The following ATP8B2 variants were observed in gnomAD, a reference collection of about 807,000 sequenced individuals.
ATP8B2 encodes the protein ATPase phospholipid transporting 8B2.
ATP8B2 carries 70 observed loss-of-function variants against 133.4 expected under a neutral mutation model. The ratio of observed to expected loss-of-function variants is 0.52; its 90% CI spans 0.43 to 0.64. The LOEUF is 0.64. Ranked by LOEUF, ATP8B2 falls within the 30% of genes least tolerant of loss-of-function variation. ATP8B2 has a pLI of 0.00. For synonymous variants in ATP8B2, 517 were observed against 589.5 expected (o/e 0.88, Z 1.78); for missense variants, 1,101 against 1,535.7 (o/e 0.72, Z 4.73).
In ATP8B2 at chr1:154,334,020, G is replaced by A. The variant is rs774155948; in HGVS notation, c.590-87G>A. On this transcript the variant is annotated intron_variant, in intron 9 of 27. Transcript: ENST00000368489. The surrounding 1 kb of genome is among the most constrained non-coding windows in gnomAD (Gnocchi z 4.6). Reference sequence around the variant, plus strand: ...GGGCCCTTGCCCTTGCATCCTCTTCGCTCAGCTCATTTTCTCTTTGTTTTA... The same window carrying A: ...GGGCCCTTGCCCTTGCATCCTCTTCACTCAGCTCATTTTCTCTTTGTTTTA... 5.3e-5 allele frequency: 80 copies of A among 1,507,408 alleles called. No homozygotes were observed. The highest frequency in any genetic ancestry group is 5.2e-4 in the Middle Eastern group (3 of 5,718). The allele number at this position is 1,507,408 out of a possible 1,614,324, so 93.4% of individuals were successfully genotyped here. A position where few individuals can be genotyped will look rare whatever the true frequency, so the allele number is the denominator to read the frequency against.
At chr1:154,329,960 A>G (rs975377888) in intron 2 of ATP8B2, among the ~76,000 whole-genome samples, 3 of 152,122 alleles carry the variant, frequency 2.0e-5, no homozygotes, top group African/African-American at 7.2e-5. Flanking sequence ...AATAAGGGAG[A>G]GAGCAGTACC....
intron 1 of ATP8B2, 120 bp downstream of exon 1, chr1:154,325,822 C>G (rs944088281): frequency 3.3e-5 from 5 of 152,828 alleles, no homozygotes; most frequent in African/African-American, 9.7e-5. Flanking sequence ...CTGGGGAGCA[C>G]CGGGGGCCAA....
intron 26 of ATP8B2, among the ~76,000 whole-genome samples, chr1:154,347,144 C>T (rs1686611333): frequency 1.3e-5 from 2 of 152,200 alleles, no homozygotes; most frequent in South Asian, 4.1e-4. Context: ...CTCACCTCGG[C>T]CTCCCAAAGT....
At position 154,328,877 on chromosome 1, in the gene ATP8B2, C is replaced by A; in HGVS notation, c.31+705C>A. The A allele has an allele frequency of 8.3e-7, 1 of 1,208,300 alleles. No individual in the cohort carries two copies. The highest frequency in any genetic ancestry group is 1.4e-5 in the South Asian group (1 of 70,390). The allele number at this position is 1,208,300 out of a possible 1,614,324, so 74.8% of individuals were successfully genotyped here. On this transcript the variant is annotated intron_variant, in intron 2 of 27. Coordinates refer to ENST00000368489, the MANE Select transcript of ATP8B2 (RefSeq NM_001370597.1). This position sits in a 1 kb window ranked among gnomAD's most constrained non-coding sequence, Gnocchi z 4.6. Reference sequence around the variant, plus strand: ...TGGGGCGCGCGCCCGACGGCTGGGGCTCCCCTCTGAGCGGCTGCGGCTCCT... The same window carrying A: ...TGGGGCGCGCGCCCGACGGCTGGGGATCCCCTCTGAGCGGCTGCGGCTCCT...
rs1215368272 is a variant in ATP8B2 at position 154,343,025 on chromosome 1, T to C, written c.1453+64T>C. ...TCTGCCCTTGGGCTCTGCTCTGCTCTGCAATGCGGCTGGGCTGGGGCTTCC... is the reference window on the plus strand; with the variant it reads ...TCTGCCCTTGGGCTCTGCTCTGCTCCGCAATGCGGCTGGGCTGGGGCTTCC... On this transcript the variant is annotated intron_variant, in intron 15 of 27. Coordinates refer to ENST00000368489, the MANE Select transcript of ATP8B2 (RefSeq NM_001370597.1). This position sits in a 1 kb window ranked among gnomAD's most constrained non-coding sequence, Gnocchi z 5.8. The C allele has an allele frequency of 1.2e-6, 2 of 1,600,098 alleles. No homozygotes were observed. The highest frequency in any genetic ancestry group is 1.7e-6 in the Non-Finnish European group (2 of 1,171,978).
chr1:154,330,247 G>A, intron 2 of ATP8B2, 149 bp from the exon 3 acceptor site: 1 of 640,966 alleles, frequency 1.6e-6, no homozygotes, highest in Non-Finnish European at 2.8e-6. Context: ...GGTGAGAGGT[G>A]GACTGGAGGG....
Position 154,343,799 on chromosome 1 carries a change from C to A in ATP8B2, c.1759-94C>A. ...CCCTAACTGTGGAATGTGGCACACA[C>A]CCAGTCTACAGTGCAGGATTATTCA... On this transcript the variant is annotated intron_variant, in intron 17 of 27. Coordinates refer to ENST00000368489, the MANE Select transcript of ATP8B2 (RefSeq NM_001370597.1). The surrounding 1 kb of genome is among the most constrained non-coding windows in gnomAD (Gnocchi z 5.8). 1 of 1,417,848 alleles carries A rather than the reference C, an allele frequency of 7.1e-7. No homozygotes were observed. The highest frequency in any genetic ancestry group is 9.6e-7 in the Non-Finnish European group (1 of 1,044,236). The allele number at this position is 1,417,848 out of a possible 1,614,324, so 87.8% of individuals were successfully genotyped here. A position where few individuals can be genotyped will look rare whatever the true frequency, so the allele number is the denominator to read the frequency against.
chr1:154,334,374 G>A lies in ATP8B2; in HGVS notation c.748+109G>A, dbSNP rs1686104310. ...TACCTAAGGTAAAAAACCTCCAGCT[G>A]TGTATACAGGCTTCTTATCTAGCCA... is the stretch of plus-strand genomic sequence containing the variant. On this transcript the variant is annotated intron_variant, in intron 10 of 27. Transcript: ENST00000368489. The surrounding 1 kb of genome is among the most constrained non-coding windows in gnomAD (Gnocchi z 4.6). 4.6e-6 allele frequency: 7 copies of A among 1,524,034 alleles called. No individual in the cohort carries two copies. The highest frequency in any genetic ancestry group is 3.6e-6 in the Non-Finnish European group (4 of 1,112,644). 94.4% of individuals were successfully genotyped at this position (1,524,034 alleles called of 1,614,324 possible). A position where few individuals can be genotyped will look rare whatever the true frequency, so the allele number is the denominator to read the frequency against.
In ATP8B2 at chr1:154,345,451, G is replaced by A; in HGVS notation, c.2600G>A (p.Arg867Gln). The A allele has an allele frequency of 1.9e-6, 3 of 1,614,208 alleles. No homozygotes were observed. Among genetic ancestry groups the A allele is most frequent in the Non-Finnish European group, 2.5e-6 (3 of 1,180,042 alleles). Residue 867 changes from arginine to glutamine, a missense_variant, in exon 23 of 28, where the codon CGA becomes CAA. Coordinates refer to ENST00000368489, the MANE Select transcript of ATP8B2 (RefSeq NM_001370597.1). The surrounding 1 kb of genome is among the most constrained non-coding windows in gnomAD (Gnocchi z 5.6). ...LLVHGRWSYL[R>Q]MCKFLCYFFY... ...GTGCATGGGCGCTGGTCCTACCTGC[G>A]AATGTGCAAGTTTCTTTGCTATTTC...
At chr1:154,335,593 G>T (rs1010930400) in intron 11 of ATP8B2, among the ~76,000 whole-genome samples, 2 of 152,114 alleles carry the variant, frequency 1.3e-5, no homozygotes, top group Non-Finnish European at 2.9e-5. Context: ...TCTGGAGGCT[G>T]AGGCGGGGGG....
chr1:154,328,291 GC>G lies in ATP8B2; in HGVS notation c.31+123del. On this transcript the variant is annotated intron_variant, in intron 2 of 27. Transcript: ENST00000368489. This position sits in a 1 kb window ranked among gnomAD's most constrained non-coding sequence, Gnocchi z 4.6. ...GTCTGAGGGAGGGTAGCTTACAGCA[GC>G]CCCTACCCAGCTTGGGGGCAGCCTA... The G allele has an allele frequency of 9.0e-7, 1 of 1,111,524 alleles. No individual in the cohort carries two copies. The highest frequency in any genetic ancestry group is 1.4e-6 in the Non-Finnish European group (1 of 735,976). 68.9% of individuals were successfully genotyped at this position (1,111,524 alleles called of 1,614,324 possible).
intron 2 of ATP8B2, 87 bp from the exon 3 acceptor site, chr1:154,330,308 TC>T: frequency 8.5e-7 from 1 of 1,183,312 alleles, no homozygotes; most frequent in Non-Finnish European, 1.2e-6. Flanking sequence ...AAAATGATAT[TC>T]TGTGGAAAAA....
chr1:154,343,402 C>T lies in ATP8B2; in HGVS notation c.1643-51C>T. ...CTCTTGATGTGTTTATGTTGGGGGTCTTTGCCTGTCTGAATTTTTCTGGCA... is the reference window on the plus strand; with the variant it reads ...CTCTTGATGTGTTTATGTTGGGGGTTTTTGCCTGTCTGAATTTTTCTGGCA... On this transcript the variant is annotated intron_variant, in intron 16 of 27. Coordinates refer to ENST00000368489, the MANE Select transcript of ATP8B2 (RefSeq NM_001370597.1). This position sits in a 1 kb window ranked among gnomAD's most constrained non-coding sequence, Gnocchi z 5.8. 1 of 1,606,398 alleles carries T rather than the reference C, an allele frequency of 6.2e-7. No individual in the cohort carries two copies. Among genetic ancestry groups the T allele is most frequent in the Non-Finnish European group, 8.5e-7 (1 of 1,174,166 alleles).
At position 154,342,882 on chromosome 1, in the gene ATP8B2, G is replaced by A; in HGVS notation, c.1374G>A (p.Lys458=). 6.2e-7 allele frequency: 1 copy of A among 1,614,224 alleles called. No homozygotes were observed. ...FWDPSLLEAV[K]IGDPHTHEFF... is the part of the protein sequence containing the mutation. ...ACCCCAGCCTGCTGGAGGCTGTCAA[G>A]ATCGGGGACCCCCACACGCATGAGT... The change falls in exon 15 of 28, where the codon AAG becomes AAA. Residue 458 remains lysine, a synonymous_variant. Transcript: ENST00000368489.
At position 154,348,862 on chromosome 1, in the gene ATP8B2, G is replaced by A. The variant is rs1686688250; in HGVS notation, c.3317G>A (p.Arg1106Lys). The A allele has an allele frequency of 1.2e-6, 2 of 1,608,238 alleles. No individual in the cohort carries two copies. Among genetic ancestry groups the A allele is most frequent in the Middle Eastern group, 1.7e-4 (1 of 6,052 alleles). The change falls in exon 28 of 28, where the codon AGG (arginine) becomes AAG (lysine). Residue 1106 changes from arginine (R) to lysine (K), a missense_variant. Transcript: ENST00000368489. The stretch of plus-strand genomic sequence containing the variant: ...CAGGTCCGCTACACACAGCTCGTGA[G>A]GAAGAAGCAGAAGGCCCAGCACCGC... ...SDTVRYTQLVRKKQKAQHRCM... is the reference protein window; with the variant it reads ...SDTVRYTQLVKKKQKAQHRCM...
Position 154,346,599 on chromosome 1 carries a change from G to A in ATP8B2, c.3025-21G>A. ...GGGCTTTTAGGGCGTGCGCCTGCCT[G>A]ACTATGCCTACTTTCTGCAGATTGG... is the stretch of plus-strand genomic sequence containing the variant. On this transcript the variant is annotated intron_variant, in intron 25 of 27. Coordinates refer to ENST00000368489, the MANE Select transcript of ATP8B2 (RefSeq NM_001370597.1). This position sits in a 1 kb window ranked among gnomAD's most constrained non-coding sequence, Gnocchi z 4.5. 6.2e-7 allele frequency: 1 copy of A among 1,614,100 alleles called. No homozygotes were observed. Among genetic ancestry groups the A allele is most frequent in the Non-Finnish European group, 8.5e-7 (1 of 1,179,978 alleles).
At position 154,337,456 on chromosome 1, in the gene ATP8B2, G is replaced by A. The variant is rs1182202490; in HGVS notation, c.946G>A (p.Val316Met). 12 of 1,614,098 alleles carry A rather than the reference G, an allele frequency of 7.4e-6. No homozygotes were observed. Among genetic ancestry groups the A allele is most frequent in the Non-Finnish European group, 9.3e-6 (11 of 1,180,046 alleles). The change falls in exon 12 of 28, where the codon GTG (valine) becomes ATG (methionine). Residue 316 changes from valine to methionine, a missense_variant. Physicochemically the swap from Val to Met is conservative, Grantham distance 21. Coordinates refer to ENST00000368489, the MANE Select transcript of ATP8B2 (RefSeq NM_001370597.1). The part of the protein sequence containing the change: ...FQVYLPWDEA[V>M]DSAFFSGFLS... ...GGTCTACCTGCCGTGGGATGAGGCA[G>A]TGGACAGTGCCTTCTTCTCTGGCTT...
In ATP8B2 at chr1:154,334,446, G is replaced by A. The variant is rs1344880534; in HGVS notation, c.749-57G>A. 1 of 1,580,142 alleles carries A rather than the reference G, an allele frequency of 6.3e-7. No individual in the cohort carries two copies. Among genetic ancestry groups the A allele is most frequent in the African/African-American group, 1.3e-5 (1 of 74,212 alleles). ...GTCCTGCAGTCTGGGGATCAGGGCA[G>A]AAGCCCAGAGGCAGATGTGTTATTT... is the stretch of plus-strand genomic sequence containing the variant. On this transcript the variant is annotated intron_variant, in intron 10 of 27. Coordinates refer to ENST00000368489, the MANE Select transcript of ATP8B2 (RefSeq NM_001370597.1). This position sits in a 1 kb window ranked among gnomAD's most constrained non-coding sequence, Gnocchi z 4.6.
chr1:154,335,842 A>G (rs886915125), intron 11 of ATP8B2, among the ~76,000 whole-genome samples: 1 of 152,102 alleles, frequency 6.6e-6, no homozygotes, highest in Admixed American at 6.6e-5. Context: ...GATCAAGACC[A>G]TCCTGACCAA....
Sources: gnomAD v4.1 joint callset for allele counts (sites outside exome capture counted in the v4.1 genomes callset) on GRCh38, gnomAD v4.1.1 for gene constraint, Gnocchi (gnomAD v3.1) non-coding constraint, MANE v1.5 for transcripts, NCBI Gene and HGNC (gene_info 2026-07-23, HGNC 2026-07-21) for gene names.